Variants in NRG1 observed in about 807,000 individuals in gnomAD.
NRG1 encodes the protein neuregulin 1.
NRG1 carries 18 observed loss-of-function variants against 63.8 expected under a neutral mutation model. The observed-to-expected ratio is 0.28, with a 90% confidence interval of 0.19 to 0.42. NRG1 has a LOEUF of 0.42. Ranked by LOEUF, NRG1 falls within the 10% of genes least tolerant of loss-of-function variation. NRG1 has a pLI of 1.00. For missense variants in NRG1, 762 were observed against 814.7 expected (o/e 0.94, Z 0.79); for synonymous variants, 302 against 301.3 (o/e 1.00, Z -0.02).
intron 5 of NRG1, among the ~76,000 whole-genome samples, chr8:32,719,218 C>G (rs939953870): frequency 1.3e-5 from 2 of 151,942 alleles, no homozygotes; most frequent in Non-Finnish European, 2.9e-5. Flanking sequence ...AACCTAAAAT[C>G]ATTATATTTT....
chr8:32,209,496 G>C (rs1301327354), intron 1 of NRG1, among the ~76,000 whole-genome samples: 2 of 151,956 alleles, frequency 1.3e-5, no homozygotes, highest in African/African-American at 4.8e-5. Context: ...TTTCAGTGTT[G>C]TTTGAATTTT....
At chr8:32,619,234 CA>C (rs1227574989) in intron 5 of NRG1, among the ~76,000 whole-genome samples, 2 of 151,920 alleles carry the variant, frequency 1.3e-5, no homozygotes, top group Admixed American at 6.6e-5. Context: ...ATCAAACAAA[CA>C]AACAAAAAAA....
intron 1 of NRG1, among the ~76,000 whole-genome samples, chr8:32,389,797 G>C (rs2129483890): frequency 6.9e-6 from 1 of 145,190 alleles, no homozygotes; most frequent in East Asian, 2.2e-4. Flanking sequence ...GTCTCACTCT[G>C]TCACCCAGGT....
At chr8:31,958,376 GA>G (rs1029694604) in intron 1 of NRG1, among the ~76,000 whole-genome samples, 3 of 151,236 alleles carry the variant, frequency 2.0e-5, no homozygotes, top group African/African-American at 4.9e-5. Flanking sequence ...AACTTAAAGG[GA>G]AAAAAAAATT....
At chr8:32,037,614 C>A (rs1459704712) in intron 1 of NRG1, among the ~76,000 whole-genome samples, 1 of 152,176 alleles carries the variant, frequency 6.6e-6, no homozygotes, top group Non-Finnish European at 1.5e-5. Context: ...TTCATAAACC[C>A]CTGGCTAGGG....
At chr8:32,682,225 A>G (rs1255856060) in intron 5 of NRG1, among the ~76,000 whole-genome samples, 3 of 152,158 alleles carry the variant, frequency 2.0e-5, no homozygotes, top group Admixed American at 2.0e-4. Flanking sequence ...TTTTATAGTT[A>G]TTATGCTATT....
At chr8:32,355,626 C>G (rs911901969) in intron 1 of NRG1, among the ~76,000 whole-genome samples, 15 of 151,466 alleles carry the variant, frequency 9.9e-5, no homozygotes, top group Non-Finnish European at 1.6e-4. Flanking sequence ...CCACCCATCC[C>G]CCCTCAAATA....
At chr8:31,783,265 A>G (rs986798004) in intron 1 of NRG1, among the ~76,000 whole-genome samples, 8 of 152,234 alleles carry the variant, frequency 5.3e-5, no homozygotes, top group African/African-American at 1.9e-4. Context: ...AAAAGTAGTG[A>G]CAAAACCAAC....
chr8:31,762,483 G>A (rs1033846986), intron 1 of NRG1, among the ~76,000 whole-genome samples: 1 of 152,116 alleles, frequency 6.6e-6, no homozygotes, highest in Admixed American at 6.6e-5. Context: ...CTTTGCTATT[G>A]TAAATAGTGC....
intron 1 of NRG1, among the ~76,000 whole-genome samples, chr8:32,493,985 G>A (rs12542884): frequency 0.12 from 18,840 of 152,086 alleles, 1,457 homozygotes; most frequent in Admixed American, 0.25. Flanking sequence ...ACACAAAAAT[G>A]ATTTTTTTTT....
chr8:31,844,166 G>T (rs111279854), intron 1 of NRG1, among the ~76,000 whole-genome samples: 1 of 152,258 alleles, frequency 6.6e-6, no homozygotes, highest in South Asian at 2.1e-4. Flanking sequence ...GCTCTGTTGC[G>T]CACTTCTCTG....
intron 1 of NRG1, among the ~76,000 whole-genome samples, chr8:31,675,332 A>G (rs544927317): frequency 1.3e-5 from 2 of 152,182 alleles, no homozygotes; most frequent in East Asian, 3.9e-4. Context: ...CAAAAGCAAA[A>G]CTCCATCTCA....
At chr8:31,907,105 G>C (rs1585658798) in intron 1 of NRG1, among the ~76,000 whole-genome samples, 2 of 152,024 alleles carry the variant, frequency 1.3e-5, no homozygotes, top group Non-Finnish European at 2.9e-5. Context: ...AGGGAAACCA[G>C]GTATACACAG....
rs558874046 is a variant in NRG1, at chr8:32,223,445, A to G, written c.38-372383A>G. ...AGGTGATGCTATTCAATGGGAGGAT[A>G]TAATTGCTGTTTCTATGACCTTGGG... On this transcript the variant is annotated intron_variant, in intron 1 of 10. Transcript: ENST00000519301. Among the ~76,000 whole-genome samples, 6 of 152,322 alleles carry G rather than the reference A, an allele frequency of 3.9e-5. No individual in the cohort carries two copies. The South Asian group carries it at 1.0e-3, about 26-fold the overall frequency.
intron 5 of NRG1, among the ~76,000 whole-genome samples, chr8:32,675,570 G>T (rs1806866748): frequency 6.6e-6 from 1 of 152,076 alleles, no homozygotes; most frequent in African/African-American, 2.4e-5. Context: ...TCAAATTTTA[G>T]GCTATCTGAA....
In NRG1 at chr8:32,313,136, C is replaced by T. The variant is rs536603962; in HGVS notation, c.38-282692C>T. ...TACCACTGCACTCCAGCCTGGGCAA[C>T]AGAGTGAGATTCCGTCATATATATA... On this transcript the variant is annotated intron_variant, in intron 1 of 10. Coordinates refer to the NRG1 transcript ENST00000519301. Among the ~76,000 whole-genome samples the T allele has an allele frequency of 2.6e-5, 4 of 152,298 alleles. No individual in the cohort carries two copies. In the South Asian group the frequency reaches 8.3e-4, roughly 32 times the overall value.
chr8:32,649,285 C>A (rs4332089), intron 5 of NRG1, among the ~76,000 whole-genome samples: 150,076 of 152,166 alleles, frequency 0.99, 74,053 homozygotes, highest in East Asian at 1. Context: ...GTTTGCATTG[C>A]GTAATTGCAA....
chr8:31,792,781 C>T (rs1820840368), intron 1 of NRG1, among the ~76,000 whole-genome samples: 1 of 152,136 alleles, frequency 6.6e-6, no homozygotes, highest in South Asian at 2.1e-4. Context: ...TGGAACATGC[C>T]ACATGTTCAC....
chr8:31,918,156 A>T (rs935201556), intron 1 of NRG1, among the ~76,000 whole-genome samples: 28 of 152,288 alleles, frequency 1.8e-4, no homozygotes, highest in Non-Finnish European at 3.2e-4. Flanking sequence ...AAACAGGGAC[A>T]ATTTGACTTC....
Sources: gnomAD v4.1 joint callset for allele counts (sites outside exome capture counted in the v4.1 genomes callset) on GRCh38, gnomAD v4.1.1 for gene constraint, MANE v1.5 for transcripts, NCBI Gene and HGNC (gene_info 2026-07-23, HGNC 2026-07-21) for gene names.